The following ZFHX4 variants were observed in gnomAD, a reference collection of about 807,000 sequenced individuals.
ZFHX4 encodes zinc finger homeobox protein 4.
Under a neutral mutation model 267.6 loss-of-function variants are expected in ZFHX4, and 56 were observed. That is an observed-to-expected ratio of 0.21 (90% CI 0.17 to 0.26). The LOEUF (loss-of-function observed/expected upper bound fraction) is 0.26. ZFHX4 is among the 10% of genes least tolerant of loss of function. The pLI is 1.00. For missense variants in ZFHX4, 4,332 were observed against 4,420.0 expected (o/e 0.98, Z 0.56); for synonymous variants, 1,778 against 1,665.6 (o/e 1.07, Z -1.64).
chr8:76,738,350 G>T (rs1809221017), intron 3 of ZFHX4, among the ~76,000 whole-genome samples: 1 of 152,108 alleles, frequency 6.6e-6, no homozygotes, highest in South Asian at 2.1e-4. Context: ...TAAGTGTGAG[G>T]ATCAGGTAAA....
intron 3 of ZFHX4, among the ~76,000 whole-genome samples, chr8:76,736,257 T>C (rs1205211811): frequency 6.6e-6 from 1 of 152,042 alleles, no homozygotes; most frequent in East Asian, 1.9e-4. Flanking sequence ...AATGAATGGA[T>C]AAGCTGTTAA....
intron 3 of ZFHX4, among the ~76,000 whole-genome samples, chr8:76,748,358 T>C (rs949468410): frequency 6.6e-6 from 1 of 152,244 alleles, no homozygotes; most frequent in South Asian, 2.1e-4. Flanking sequence ...AACCAATCAA[T>C]TGCCAAACTT....
chr8:76,796,258 T>C (rs1042971187), intron 4 of ZFHX4, among the ~76,000 whole-genome samples: 1 of 152,156 alleles, frequency 6.6e-6, no homozygotes, highest in Non-Finnish European at 1.5e-5. Context: ...TAGCTGACTA[T>C]TGCACACATA....
In ZFHX4 at chr8:76,694,957, T is replaced by A. The variant is rs563876719; in HGVS notation, c.-46-9086T>A. On this transcript the variant is annotated intron_variant, in intron 1 of 10. Coordinates refer to ENST00000651372, the MANE Select transcript of ZFHX4 (RefSeq NM_024721.5). ...TCATTTGTCATGGCTGAAGTGAAAA[T>A]GTCAGGACCAATGAGTGTATGAGTG... Among the ~76,000 whole-genome samples, 5 of 151,768 alleles carry A rather than the reference T, an allele frequency of 3.3e-5. No individual in the cohort carries two copies. The East Asian group carries it at 9.8e-4, about 30-fold the overall frequency.
chr8:76,681,414 C>T lies in ZFHX4; in HGVS notation c.-253C>T. 2.5e-6 allele frequency: 1 copy of T among 398,920 alleles called. No homozygotes were observed. Among genetic ancestry groups the T allele is most frequent in the Non-Finnish European group, 4.4e-6 (1 of 226,066 alleles). 24.7% of individuals were successfully genotyped at this position (398,920 alleles called of 1,614,324 possible). A position where few individuals can be genotyped will look rare whatever the true frequency, so the allele number is the denominator to read the frequency against. ...GCGGTCGGCACATGCTTTAACTCCTCCCGGACCCCCGAGGACCGCTCCATG... is the reference window on the plus strand; with the variant it reads ...GCGGTCGGCACATGCTTTAACTCCTTCCGGACCCCCGAGGACCGCTCCATG... On this transcript the variant is annotated 5_prime_UTR_variant, in exon 1 of 11. Transcript: ENST00000651372.
intron 3 of ZFHX4, among the ~76,000 whole-genome samples, chr8:76,721,857 C>T (rs556103139): frequency 3.9e-5 from 6 of 152,094 alleles, no homozygotes; most frequent in Non-Finnish European, 8.8e-5. Flanking sequence ...ATGTTTGTGA[C>T]CGTATGTATG....
At chr8:76,817,286 T>A (rs940245481) in intron 4 of ZFHX4, among the ~76,000 whole-genome samples, 10 of 152,184 alleles carry the variant, frequency 6.6e-5, no homozygotes, top group Admixed American at 6.5e-4. Context: ...GCTCATAAGA[T>A]TTTTTTCTTC....
At chr8:76,817,725 A>G (rs543926570) in intron 4 of ZFHX4, among the ~76,000 whole-genome samples, 4 of 152,334 alleles carry the variant, frequency 2.6e-5, no homozygotes, top group South Asian at 4.1e-4. Flanking sequence ...TATAACCGTG[A>G]AGAACTTGTC....
At chr8:76,778,690 ACT>A (rs1255134400) in intron 4 of ZFHX4, among the ~76,000 whole-genome samples, 1 of 152,040 alleles carries the variant, frequency 6.6e-6, no homozygotes, top group Non-Finnish European at 1.5e-5. Context: ...AGGTTATGAA[ACT>A]CTACCTTGGG....
chr8:76,744,260 C>G (rs1009110283), intron 3 of ZFHX4, among the ~76,000 whole-genome samples: 1 of 152,060 alleles, frequency 6.6e-6, no homozygotes, highest in Admixed American at 6.5e-5. Flanking sequence ...ACAGGAGAAT[C>G]GCTTGAACCC....
At chr8:76,858,935 C>CT (rs1812799517) in intron 10 of ZFHX4, among the ~76,000 whole-genome samples, 1 of 152,036 alleles carries the variant, frequency 6.6e-6, no homozygotes, top group Non-Finnish European at 1.5e-5. Flanking sequence ...ATGTCCCATC[C>CT]CTTTGAAAGT....
At chr8:76,708,352 C>T in intron 3 of ZFHX4, 1 of 302,886 alleles carries the variant, frequency 3.3e-6, no homozygotes, top group Non-Finnish European at 6.0e-6. Context: ...ACTTTTTAAA[C>T]CTATTGATTT....
intron 1 of ZFHX4, among the ~76,000 whole-genome samples, chr8:76,693,187 G>T (rs533637329): frequency 5.9e-5 from 9 of 152,208 alleles, no homozygotes; most frequent in Admixed American, 4.6e-4. Flanking sequence ...TTGAATGAGT[G>T]AATGGATAAA....
Position 76,706,499 on chromosome 8 carries a change from A to G in ZFHX4, c.2411A>G (p.Gln804Arg). Reference protein sequence around the residue: ...NMMLLQQNMKQIQHNLHLGLA... With the variant: ...NMMLLQQNMKRIQHNLHLGLA... ...ATGCTTTTGCAGCAGAACATGAAGC[A>G]GATCCAGCATAATCTGCACTTGGGC... The change falls in exon 2 of 11, where the codon CAG becomes CGG. Residue 804 changes from glutamine (Q) to arginine (R), a missense_variant. Physicochemically the swap from Gln to Arg is conservative, Grantham distance 43. Transcript: ENST00000651372. 6.2e-7 allele frequency: 1 copy of G among 1,613,912 alleles called. No homozygotes were observed. The highest frequency in any genetic ancestry group is 8.5e-7 in the Non-Finnish European group (1 of 1,179,864).
At position 76,705,149 on chromosome 8, in the gene ZFHX4, T is replaced by C. The variant is rs969040934; in HGVS notation, c.1061T>C (p.Ile354Thr). ...CCCCATTTTTCTACTACAAACCTCA[T>C]AGGACCCGATCCAACCTTCCGCGGT... The part of the protein sequence containing the change: ...VYPHFSTTNL[I>T]GPDPTFRGLW... The change falls in exon 2 of 11, where the codon ATA (isoleucine) becomes ACA (threonine). Residue 354 changes from isoleucine to threonine, a missense_variant. Coordinates refer to ENST00000651372, the MANE Select transcript of ZFHX4 (RefSeq NM_024721.5). 9.9e-6 allele frequency: 16 copies of C among 1,613,756 alleles called. No individual in the cohort carries two copies. The highest frequency in any genetic ancestry group is 5.0e-5 in the Admixed American group (3 of 60,002).
At position 76,849,652 on chromosome 8, in the gene ZFHX4, A is replaced by G. The variant is rs767559418; in HGVS notation, c.3786A>G (p.Gln1262=). 1 of 1,613,890 alleles carries G rather than the reference A, an allele frequency of 6.2e-7. No individual in the cohort carries two copies. The highest frequency in any genetic ancestry group is 8.5e-7 in the Non-Finnish European group (1 of 1,179,854). The change falls in exon 8 of 11, where the codon CAA becomes CAG. Residue 1262 remains glutamine, a synonymous_variant. Transcript: ENST00000651372. ...TCCTCAGCAACAAAATGCATCTCCAACTGCATCTGACGCATTTGCACAGTG... is the reference window on the plus strand; with the variant it reads ...TCCTCAGCAACAAAATGCATCTCCAGCTGCATCTGACGCATTTGCACAGTG... ...QDVLSNKMHL[Q]LHLTHLHSVS...
chr8:76,705,502 G>A lies in ZFHX4; in HGVS notation c.1414G>A (p.Glu472Lys). The A allele has an allele frequency of 1.2e-6, 2 of 1,613,734 alleles. No homozygotes were observed. The highest frequency in any genetic ancestry group is 1.7e-6 in the Non-Finnish European group (2 of 1,179,766). Reference protein sequence around the residue: ...VKSEPTEPGDEDEEDAYSNEL... With the variant: ...VKSEPTEPGDKDEEDAYSNEL... ...AAGTGAACCCACTGAACCGGGAGAT[G>A]AGGATGAAGAAGATGCGTACTCCAA... The change falls in exon 2 of 11, where the codon GAG (glutamate) becomes AAG (lysine). Residue 472 changes from glutamate (E) to lysine (K), a missense_variant. Glu to Lys is a moderately conservative substitution (Grantham distance 56). Transcript: ENST00000651372.
chr8:76,706,970 T>A (rs1376026200), intron 2 of ZFHX4, among the ~76,000 whole-genome samples: 2 of 152,254 alleles, frequency 1.3e-5, no homozygotes, highest in Non-Finnish European at 2.9e-5. Flanking sequence ...CCTGCCATCA[T>A]TAGCCATACC....
chr8:76,738,904 G>A (rs1041975072), intron 3 of ZFHX4, among the ~76,000 whole-genome samples: 1 of 151,870 alleles, frequency 6.6e-6, no homozygotes, highest in Non-Finnish European at 1.5e-5. Context: ...TGGTAGAGAT[G>A]GGGTTTTACC....
Sources: gnomAD v4.1 joint callset for allele counts (sites outside exome capture counted in the v4.1 genomes callset) on GRCh38, gnomAD v4.1.1 for gene constraint, MANE v1.5 for transcripts, NCBI Gene and HGNC (gene_info 2026-07-23, HGNC 2026-07-21) for gene names.